Variants in VPS45 observed in about 807,000 individuals in gnomAD.
VPS45 encodes vacuolar protein sorting-associated protein 45.
A neutral mutation model predicts 75.9 loss-of-function variants in VPS45; 35 were observed. The observed-to-expected ratio is 0.46, with a 90% confidence interval of 0.35 to 0.61. The LOEUF (loss-of-function observed/expected upper bound fraction) is 0.61, where lower values mean the gene tolerates loss of function less well. Ranked by LOEUF, VPS45 falls within the 20% of genes least tolerant of loss-of-function variation. The pLI is 0.00. For missense variants in VPS45, 559 were observed against 685.9 expected (o/e 0.81, Z 2.07); for synonymous variants, 220 against 238.2 (o/e 0.92, Z 0.70).
At chr1:150,093,485 A>G in intron 12 of VPS45, 42 bp from the exon 13 acceptor site, 1 of 1,598,534 alleles carries the variant, frequency 6.3e-7, no homozygotes, top group Non-Finnish European at 8.5e-7. Context: ...TGTGTTGCCA[A>G]TTTCCCAAAA....
intron 14 of VPS45, among the ~76,000 whole-genome samples, chr1:150,126,990 C>G (rs1452052821): frequency 6.6e-6 from 1 of 152,168 alleles, no homozygotes; most frequent in Admixed American, 6.5e-5. Context: ...GCCCCAGAAC[C>G]ACCTGATGTC....
At position 150,081,336 on chromosome 1, in the gene VPS45, A is replaced by C; in HGVS notation, c.688-6A>C. Reference sequence around the variant, plus strand: ...TTACCTTTTTTTTTCATAATTCTTTATTTAGTGGACATATCAGGCCATGGT... The same window carrying C: ...TTACCTTTTTTTTTCATAATTCTTTCTTTAGTGGACATATCAGGCCATGGT... On this transcript the variant is annotated splice_region_variant and splice_polypyrimidine_tract_variant and intron_variant, in intron 7 of 14. Transcript: ENST00000644510. 1 of 1,581,246 alleles carries C rather than the reference A, an allele frequency of 6.3e-7. No homozygotes were observed.
At chr1:150,093,458 T>C (rs1656451746) in intron 12 of VPS45, 69 bp from the exon 13 acceptor site, 1 of 1,557,058 alleles carries the variant, frequency 6.4e-7, no homozygotes, top group Non-Finnish European at 8.7e-7. Context: ...TTTTCTGATA[T>C]GAATATTATT....
At chr1:150,099,197 T>A (rs1392925224) in intron 13 of VPS45, 17 of 457,270 alleles carry the variant, frequency 3.7e-5, no homozygotes, top group Non-Finnish European at 4.4e-5. Flanking sequence ...ATAGAAATAA[T>A]GTTAAAAATT....
chr1:150,074,323 T>C (rs181762316), intron 3 of VPS45, among the ~76,000 whole-genome samples: 9 of 152,092 alleles, frequency 5.9e-5, no homozygotes, highest in Admixed American at 3.9e-4. Context: ...ACACCTCACC[T>C]GTTGTGTGTA....
intron 14 of VPS45, among the ~76,000 whole-genome samples, chr1:150,131,382 G>A (rs1217353054): frequency 2.0e-5 from 3 of 152,084 alleles, no homozygotes; most frequent in East Asian, 1.9e-4. Flanking sequence ...GGTGGCGGGC[G>A]CCTGTAATCC....
intron 13 of VPS45, among the ~76,000 whole-genome samples, chr1:150,105,142 A>G (rs1387890365): frequency 6.6e-6 from 1 of 152,184 alleles, no homozygotes; most frequent in African/African-American, 2.4e-5. Flanking sequence ...AGTAAGAGCC[A>G]TATATGACAA....
At chr1:150,143,415 C>T (rs1391378835) in intron 14 of VPS45, among the ~76,000 whole-genome samples, 5 of 151,924 alleles carry the variant, frequency 3.3e-5, no homozygotes, top group Admixed American at 3.3e-4. Context: ...CATGGTGAAA[C>T]CCGTCTCTAC....
In VPS45 at chr1:150,082,890, C is replaced by T. The variant is rs1571834548; in HGVS notation, c.1104+7C>T. 1 of 1,611,698 alleles carries T rather than the reference C, an allele frequency of 6.2e-7. No individual in the cohort carries two copies. Among genetic ancestry groups the T allele is most frequent in the Non-Finnish European group, 8.5e-7 (1 of 1,178,776 alleles). On this transcript the variant is annotated splice_region_variant and intron_variant, in intron 10 of 14. Coordinates refer to ENST00000644510, the MANE Select transcript of VPS45 (RefSeq NM_007259.5). ...CCATTCTAGTGCTCTCCAGGTCAGTCCAATTTGATGAGCACCTACTATGTG... is the reference window on the plus strand; with the variant it reads ...CCATTCTAGTGCTCTCCAGGTCAGTTCAATTTGATGAGCACCTACTATGTG...
At chr1:150,097,580 G>A (rs377086823) in intron 13 of VPS45, among the ~76,000 whole-genome samples, 222 of 151,666 alleles carry the variant, frequency 1.5e-3, no homozygotes, top group African/African-American at 5.1e-3. Context: ...TTAGCCAGGC[G>A]TGGTGGCATG....
chr1:150,109,379 T>A (rs1657515762), intron 13 of VPS45: 1 of 152,112 alleles, frequency 6.6e-6, no homozygotes, highest in African/African-American at 2.4e-5. Flanking sequence ...CTGAACATTT[T>A]AAAATAGCCA....
intron 1 of VPS45, 27 bp from the exon 2 acceptor site, chr1:150,068,603 C>A: frequency 6.7e-7 from 1 of 1,487,678 alleles, no homozygotes; most frequent in Admixed American, 2.2e-5. Flanking sequence ...GACTAGCATA[C>A]TTTTAGTTAA....
chr1:150,081,347 A>AT lies in VPS45; in HGVS notation c.694dup (p.Tyr232LeufsTer17), dbSNP rs1553799296. ...TTTCATAATTCTTTATTTAGTGGAC[A>AT]TATCAGGCCATGGTCCACGAACTAC... On this transcript the variant is annotated frameshift_variant, in exon 8 of 15. Coordinates refer to ENST00000644510, the MANE Select transcript of VPS45 (RefSeq NM_007259.5). LOFTEE classifies it high-confidence loss of function. 6.3e-7 allele frequency: 1 copy of AT among 1,595,304 alleles called. No individual in the cohort carries two copies. The highest frequency in any genetic ancestry group is 2.3e-5 in the East Asian group (1 of 43,528).
intron 2 of VPS45, among the ~76,000 whole-genome samples, chr1:150,070,723 C>T (rs938028153): frequency 7.3e-5 from 11 of 151,510 alleles, no homozygotes; most frequent in East Asian, 1.9e-4. Context: ...GCAGGAGAAT[C>T]GCTTGAACCA....
intron 14 of VPS45, among the ~76,000 whole-genome samples, chr1:150,134,430 C>T (rs1160743334): frequency 1.3e-5 from 2 of 151,992 alleles, no homozygotes; most frequent in South Asian, 2.1e-4. Flanking sequence ...ATAATAAATA[C>T]GCTTGAGCCT....
Position 150,082,824 on chromosome 1 carries a change from G to C in VPS45, c.1045G>C (p.Glu349Gln), listed in dbSNP as rs782191450. 1 of 1,614,186 alleles carries C rather than the reference G, an allele frequency of 6.2e-7. No individual in the cohort carries two copies. The highest frequency in any genetic ancestry group is 8.5e-7 in the Non-Finnish European group (1 of 1,180,036). The change falls in exon 10 of 15, where the codon GAG (glutamate) becomes CAG (glutamine). Residue 349 changes from glutamate to glutamine, a missense_variant. Glu to Gln is a conservative substitution (Grantham distance 29). Transcript: ENST00000644510. Reference protein sequence around the residue: ...SRLVSERNLLEVSEVEQELAC... With the variant: ...SRLVSERNLLQVSEVEQELAC... ...ATTGGTCAGTGAACGGAATCTGCTG[G>C]AGGTTTCAGAGGTTGAGCAAGAACT...
chr1:150,144,628 G>T, intron 14 of VPS45, 81 bp from the exon 15 acceptor site: 1 of 1,217,636 alleles, frequency 8.2e-7, no homozygotes, highest in Non-Finnish European at 1.2e-6. Context: ...ATTTTCATCT[G>T]GTTAGATGTC....
At chr1:150,118,444 C>T (rs782166965) in intron 14 of VPS45, among the ~76,000 whole-genome samples, 9 of 151,964 alleles carry the variant, frequency 5.9e-5, no homozygotes, top group African/African-American at 1.2e-4. Context: ...CTTGCTCTGT[C>T]GCCCAGGCTG....
chr1:150,137,892 G>A (rs2101658895), intron 14 of VPS45, among the ~76,000 whole-genome samples: 1 of 132,560 alleles, frequency 7.5e-6, no homozygotes, highest in African/African-American at 2.9e-5. Context: ...TCCAGCCTAG[G>A]CGACAGAGTG....
Sources: gnomAD v4.1 joint callset for allele counts (sites outside exome capture counted in the v4.1 genomes callset) on GRCh38, gnomAD v4.1.1 for gene constraint, MANE v1.5 for transcripts, NCBI Gene and HGNC (gene_info 2026-07-23, HGNC 2026-07-21) for gene names.